The following PTPRT variants were observed in gnomAD, a reference collection of about 807,000 sequenced individuals.
PTPRT encodes protein tyrosine phosphatase receptor type T, also known as receptor-type tyrosine-protein phosphatase T.
In PTPRT, 56 loss-of-function variants were observed where a neutral mutation model predicts 176.8. The ratio of observed to expected loss-of-function variants is 0.32; its 90% CI spans 0.26 to 0.40. The LOEUF (loss-of-function observed/expected upper bound fraction) is 0.40. PTPRT is among the 10% of genes least tolerant of loss of function. PTPRT has a pLI of 1.00. For synonymous variants in PTPRT, 783 were observed against 739.0 expected (o/e 1.06, Z -0.96); for missense variants, 1,540 against 1,908.2 (o/e 0.81, Z 3.60).
At chr20:43,149,189 T>G (rs962161509) in intron 1 of PTPRT, among the ~76,000 whole-genome samples, 6 of 152,238 alleles carry the variant, frequency 3.9e-5, no homozygotes, top group Non-Finnish European at 8.8e-5. Context: ...GATCCCTTTG[T>G]GAAGAAAATG....
At chr20:42,616,038 C>G (rs1367100064) in intron 7 of PTPRT, among the ~76,000 whole-genome samples, 4 of 130,684 alleles carry the variant, frequency 3.1e-5, no homozygotes, top group Non-Finnish European at 6.3e-5. Context: ...ATGGTAATGC[C>G]TAGGTTTTCT....
At chr20:42,141,882 C>T (rs529966912) in intron 18 of PTPRT, 33 bp downstream of exon 18, 2 of 1,575,254 alleles carry the variant, frequency 1.3e-6, no homozygotes, top group Admixed American at 3.3e-5. Context: ...TCCTCAACAC[C>T]TGAAGCTTAG....
At chr20:42,305,048 C>T (rs185097514) in intron 12 of PTPRT, among the ~76,000 whole-genome samples, 126 of 152,276 alleles carry the variant, frequency 8.3e-4, no homozygotes, top group African/African-American at 2.9e-3. Context: ...GATTCTTAGA[C>T]TAATTTAAAC....
intron 9 of PTPRT, among the ~76,000 whole-genome samples, chr20:42,401,903 G>A (rs2058912057): frequency 1.3e-5 from 2 of 152,158 alleles, no homozygotes; most frequent in African/African-American, 2.4e-5. Context: ...TGCTTTGCTG[G>A]GGAAGCAGGG....
At chr20:42,726,056 C>CTTT (rs1555905817) in intron 6 of PTPRT, among the ~76,000 whole-genome samples, 13 of 128,428 alleles carry the variant, frequency 1.0e-4, no homozygotes, top group South Asian at 5.4e-4. Context: ...ATGTGGGCAT[C>CTTT]TTTATTATTA....
intron 13 of PTPRT, chr20:42,270,493 GAGA>G: frequency 6.5e-7 from 1 of 1,537,898 alleles, no homozygotes; most frequent in East Asian, 2.5e-5. Flanking sequence ...GCATGCAGAA[GAGA>G]AGGAGAGAAA....
chr20:42,411,465 C>T (rs571526410), intron 9 of PTPRT, among the ~76,000 whole-genome samples: 49 of 140,132 alleles, frequency 3.5e-4, no homozygotes, highest in African/African-American at 1.3e-3. Flanking sequence ...TGTAGTGAGC[C>T]GAGATCGCAC....
chr20:42,154,246 G>A (rs1196565255), intron 17 of PTPRT, among the ~76,000 whole-genome samples: 1 of 152,196 alleles, frequency 6.6e-6, no homozygotes, highest in Non-Finnish European at 1.5e-5. Context: ...TCATCACTCT[G>A]TTACCAACTG....
rs752452136 is a variant in PTPRT, at chr20:42,080,857, GCAGGTTCCCCATCC to G, written c.*8_*21del. 4 of 1,599,190 alleles carry G rather than the reference GCAGGTTCCCCATCC, an allele frequency of 2.5e-6. No individual in the cohort carries two copies. Among genetic ancestry groups the G allele is most frequent in the Non-Finnish European group, 3.4e-6 (4 of 1,167,478 alleles). ...TGGTCACAGCAGCCTCTGGACTCCG[GCAGGTTCCCCATCC>G]CATTGAGCTAAAAGGAGCTTAAATA... On this transcript the variant is annotated 3_prime_UTR_variant, in exon 31 of 31. Coordinates refer to ENST00000373187, the MANE Select transcript of PTPRT (RefSeq NM_007050.6).
chr20:42,472,714 T>A, intron 7 of PTPRT, 152 bp from the exon 8 acceptor site: 1 of 762,732 alleles, frequency 1.3e-6, no homozygotes, highest in Non-Finnish European at 2.1e-6. Flanking sequence ...GCAATATAAT[T>A]TAGAGAACAT....
chr20:42,710,991 C>T (rs1236387268), intron 6 of PTPRT, among the ~76,000 whole-genome samples: 1 of 152,240 alleles, frequency 6.6e-6, no homozygotes, highest in Non-Finnish European at 1.5e-5. Flanking sequence ...GGGTTCCAGA[C>T]TTGCATGGGG....
At chr20:42,877,298 G>C (rs1415553245) in intron 2 of PTPRT, among the ~76,000 whole-genome samples, 2 of 152,124 alleles carry the variant, frequency 1.3e-5, no homozygotes, top group East Asian at 3.9e-4. Flanking sequence ...TAGATGAAAA[G>C]TCCTGGGCAG....
intron 11 of PTPRT, among the ~76,000 whole-genome samples, chr20:42,350,127 C>A (rs2058254112): frequency 6.6e-6 from 1 of 151,874 alleles, no homozygotes; most frequent in Non-Finnish European, 1.5e-5. Context: ...TGTTCCAGGC[C>A]ACCGACCCCA....
intron 1 of PTPRT, among the ~76,000 whole-genome samples, chr20:43,055,289 C>T (rs774903044): frequency 6.6e-6 from 1 of 152,256 alleles, no homozygotes; most frequent in Middle Eastern, 3.4e-3. Flanking sequence ...AGAAATGATA[C>T]GTACAACCCA....
In PTPRT at chr20:42,885,893, T is replaced by C; in HGVS notation, c.128A>G (p.Tyr43Cys). 19 of 1,610,800 alleles carry C rather than the reference T, an allele frequency of 1.2e-5. 1 individual carries two copies. The highest frequency in any genetic ancestry group is 2.7e-5 in the African/African-American group (2 of 74,932). Residue 43 changes from tyrosine to cysteine, a missense_variant, in exon 2 of 31, where the codon TAT becomes TGT. Around this residue, in one of 11 missense-constraint regions of PTPRT, gnomAD observed 116 missense variants for 118.5 expected, o/e 0.98. Coordinates refer to ENST00000373187, the MANE Select transcript of PTPRT (RefSeq NM_007050.6). ...SFDEHYSNCG[Y>C]SVALGTNGFT... ...CCCATTGGTCCCTAGAGCCACACTA[T>C]AACCACAGTTGCTGTAGTGCTCATC...
chr20:42,453,990 C>T (rs890188100), intron 8 of PTPRT, among the ~76,000 whole-genome samples: 47 of 151,996 alleles, frequency 3.1e-4, no homozygotes, highest in African/African-American at 9.7e-4. Flanking sequence ...TGAGCCACTG[C>T]GCTCAGCCTG....
At chr20:42,534,025 C>T (rs1047389105) in intron 7 of PTPRT, among the ~76,000 whole-genome samples, 5 of 152,156 alleles carry the variant, frequency 3.3e-5, no homozygotes, top group African/African-American at 1.2e-4. Flanking sequence ...CATGTGAACA[C>T]TGAAGGAAGA....
chr20:43,161,486 G>T (rs1212642602), intron 1 of PTPRT, among the ~76,000 whole-genome samples: 1 of 152,140 alleles, frequency 6.6e-6, no homozygotes, highest in African/African-American at 2.4e-5. Flanking sequence ...CAAAGAGAAA[G>T]ACAGGTATAA....
intron 1 of PTPRT, among the ~76,000 whole-genome samples, chr20:43,094,387 CTTTCTTTTTTTTTTTTTT>C (rs2012028106): frequency 3.7e-5 from 4 of 107,144 alleles, no homozygotes; most frequent in African/African-American, 1.0e-4. Flanking sequence ...CACCCGGCCT[CTTTCTTTTTTTTTTTTTT>C]TTTTTTTTTT....
Sources: gnomAD v4.1 joint callset for allele counts (sites outside exome capture counted in the v4.1 genomes callset) on GRCh38, gnomAD v4.1.1 for gene constraint, gnomAD v4.1.1 regional missense constraint, MANE v1.5 for transcripts, NCBI Gene and HGNC (gene_info 2026-07-23, HGNC 2026-07-21) for gene names.